BASP1: variants seen among roughly 807,000 people sequenced by gnomAD.
The protein encoded by BASP1 is brain abundant membrane attached signal protein 1.
Under a neutral mutation model 2.2 loss-of-function variants are expected in BASP1, and 1 was observed. The observed-to-expected ratio is 0.46, with a 90% CI of 0.16 to 2.17. The LOEUF (loss-of-function observed/expected upper bound fraction) is 2.17. Among genes scored for constraint, BASP1 ranks in the 30% most tolerant of loss-of-function variants. BASP1 has a pLI of 0.27. For synonymous variants in BASP1, 187 were observed against 154.2 expected (o/e 1.21, Z -1.58); for missense variants, 352 against 327.2 (o/e 1.08, Z -0.58).
chr5:17,229,507 G>T (rs1579482155), intron 1 of BASP1, among the ~76,000 whole-genome samples: 1 of 152,106 alleles, frequency 6.6e-6, no homozygotes, highest in East Asian at 1.9e-4. Flanking sequence ...ATTGTTCTAG[G>T]TCAGCAGTCA....
chr5:17,248,772 A>G (rs1448872349), intron 1 of BASP1, among the ~76,000 whole-genome samples: 2 of 152,212 alleles, frequency 1.3e-5, no homozygotes, highest in Non-Finnish European at 2.9e-5. Flanking sequence ...AATCAAAACC[A>G]TAATCTCTTA....
At chr5:17,232,278 G>T (rs1739647148) in intron 1 of BASP1, among the ~76,000 whole-genome samples, 2 of 152,208 alleles carry the variant, frequency 1.3e-5, no homozygotes, top group Non-Finnish European at 1.5e-5. Flanking sequence ...TGTCCTTCCA[G>T]GTTATTGAAT....
At chr5:17,250,794 T>C (rs988738252) in intron 1 of BASP1, among the ~76,000 whole-genome samples, 8 of 152,038 alleles carry the variant, frequency 5.3e-5, no homozygotes, top group Admixed American at 2.0e-4. Flanking sequence ...TTAGTAGAGA[T>C]GGGGTTTCAC....
Position 17,275,619 on chromosome 5 carries a change from C to T in BASP1, c.403C>T (p.Pro135Ser), listed in dbSNP as rs1740631290. 3 of 1,477,094 alleles carry T rather than the reference C, an allele frequency of 2.0e-6. No individual in the cohort carries two copies. Among genetic ancestry groups the T allele is most frequent in the Non-Finnish European group, 2.7e-6 (3 of 1,117,198 alleles). The allele number at this position is 1,477,094 out of a possible 1,614,324, so 91.5% of individuals were successfully genotyped here. The change falls in exon 2 of 2, where the codon CCT becomes TCT. Residue 135 changes from proline (P) to serine (S), a missense_variant. By Grantham distance (74) the Pro-to-Ser change is moderately conservative. Transcript: ENST00000322611. This position sits in a 1 kb window ranked among gnomAD's most constrained non-coding sequence, Gnocchi z 5.3. ...AAAAPAESAA[P>S]AAGEEPSKEE... ...CGCGGCCCCGGCCGAGAGCGCGGCC[C>T]CTGCCGCCGGGGAGGAGCCCAGCAA...
upstream of BASP1, chr5:17,217,071 T>TGGGAGAGAGAGAGAGAGAGA (rs1367601986): frequency 9.8e-6 from 1 of 102,030 alleles, no homozygotes; most frequent in Non-Finnish European, 1.9e-5. Context: ...AGAGAGAGAG[T>TGGGAGAGAGAGAGAGAGAGA]GAGAGAGAGA....
At chr5:17,239,403 G>A (rs867488839) in intron 1 of BASP1, among the ~76,000 whole-genome samples, 20 of 152,058 alleles carry the variant, frequency 1.3e-4, no homozygotes, top group Admixed American at 5.2e-4. Context: ...CAGCTCTTTC[G>A]TAAAGAAAGC....
chr5:17,252,593 G>C (rs1398929970), intron 1 of BASP1, among the ~76,000 whole-genome samples: 1 of 152,056 alleles, frequency 6.6e-6, no homozygotes, highest in Non-Finnish European at 1.5e-5. Context: ...TTTTTGACCT[G>C]GTACGTGCTG....
At chr5:17,227,413 A>AT (rs981889425) in intron 1 of BASP1, among the ~76,000 whole-genome samples, 3 of 135,760 alleles carry the variant, frequency 2.2e-5, no homozygotes, top group Middle Eastern at 4.3e-3. Context: ...TATATACAAT[A>AT]TTTTTTTTGA....
intron 1 of BASP1, among the ~76,000 whole-genome samples, chr5:17,234,471 T>C (rs1323761801): frequency 1.3e-5 from 2 of 152,252 alleles, no homozygotes; most frequent in Non-Finnish European, 2.9e-5. Context: ...CATTTGTTCA[T>C]GTAGTTCTCA....
chr5:17,253,814 G>GC (rs1279641940), intron 1 of BASP1, among the ~76,000 whole-genome samples: 1 of 152,122 alleles, frequency 6.6e-6, no homozygotes, highest in Non-Finnish European at 1.5e-5. Flanking sequence ...GTGGATACTT[G>GC]CTTTATTAAC....
chr5:17,222,779 A>G (rs1011379325), intron 1 of BASP1, among the ~76,000 whole-genome samples: 1 of 152,188 alleles, frequency 6.6e-6, no homozygotes, highest in Non-Finnish European at 1.5e-5. Context: ...AAAAATAGGG[A>G]AAGCTGAGAT....
intron 1 of BASP1, among the ~76,000 whole-genome samples, chr5:17,226,370 G>C (rs377225360): frequency 1.3e-5 from 2 of 152,220 alleles, no homozygotes; most frequent in African/African-American, 2.4e-5. Flanking sequence ...GCATGGCAAA[G>C]TGACTTTGAA....
In BASP1 at chr5:17,241,645, G is replaced by T. The variant is rs765333724; in HGVS notation, c.-10+23835G>T. Among the ~76,000 whole-genome samples, 142 of 152,280 alleles carry T rather than the reference G, an allele frequency of 9.3e-4. 1 individual carries two copies. In the Middle Eastern group the frequency reaches 0.02, roughly 22 times the overall value. ...TGACTTCTTTAAGTGCTGTATATTTGCTGCATTTGCTGGGAGTGAACGAGG... is the reference window on the plus strand; with the variant it reads ...TGACTTCTTTAAGTGCTGTATATTTTCTGCATTTGCTGGGAGTGAACGAGG... On this transcript the variant is annotated intron_variant, in intron 1 of 1. Transcript: ENST00000322611.
At chr5:17,248,832 C>T (rs777925612) in intron 1 of BASP1, among the ~76,000 whole-genome samples, 16 of 152,152 alleles carry the variant, frequency 1.1e-4, no homozygotes, top group Admixed American at 3.9e-4. Context: ...TTAAAAAGCA[C>T]GTTTACATGT....
intron 1 of BASP1, among the ~76,000 whole-genome samples, chr5:17,218,568 C>T (rs1042817522): frequency 2.0e-5 from 3 of 152,084 alleles, no homozygotes; most frequent in Admixed American, 6.5e-5. Flanking sequence ...AAGAATGCGC[C>T]AGGCGCCTCC....
At chr5:17,246,871 A>G (rs989417957) in intron 1 of BASP1, among the ~76,000 whole-genome samples, 2 of 152,164 alleles carry the variant, frequency 1.3e-5, no homozygotes, top group African/African-American at 4.8e-5. Flanking sequence ...CCTGCCTTCC[A>G]TCAGTTACCT....
At chr5:17,268,542 G>A (rs1174163724) in intron 1 of BASP1, among the ~76,000 whole-genome samples, 1 of 152,164 alleles carries the variant, frequency 6.6e-6, no homozygotes, top group African/African-American at 2.4e-5. Flanking sequence ...TGGTTTTTTA[G>A]TGAAATTCTT....
In BASP1 at chr5:17,227,308, C is replaced by T. The variant is rs996635507; in HGVS notation, c.-10+9498C>T. On this transcript the variant is annotated intron_variant, in intron 1 of 1. Coordinates refer to ENST00000322611, the MANE Select transcript of BASP1 (RefSeq NM_006317.5). ...AATTTCTGCTCACCACAACCTCTGC[C>T]TCCTGGGTTCAAGCAATTCTCGTGC... is the stretch of plus-strand genomic sequence containing the variant. 2.6e-4 allele frequency among the ~76,000 whole-genome samples: 40 copies of T among 152,140 alleles called. No individual in the cohort carries two copies. In the South Asian group the frequency reaches 7.9e-3, roughly 30 times the overall value.
intron 1 of BASP1, among the ~76,000 whole-genome samples, chr5:17,237,261 G>A (rs1033327806): frequency 3.3e-5 from 5 of 152,162 alleles, no homozygotes; most frequent in South Asian, 2.1e-4. Context: ...GGAGAATGGC[G>A]TGAACCCGGG....
Sources: gnomAD v4.1 joint callset for allele counts (sites outside exome capture counted in the v4.1 genomes callset) on GRCh38, gnomAD v4.1.1 for gene constraint, Gnocchi (gnomAD v3.1) non-coding constraint, MANE v1.5 for transcripts, NCBI Gene and HGNC (gene_info 2026-07-23, HGNC 2026-07-21) for gene names.